GRM7: variants seen among roughly 807,000 people sequenced by gnomAD.
The protein encoded by GRM7 is metabotropic glutamate receptor 7.
GRM7 carries 35 observed loss-of-function variants against 84.5 expected under a neutral mutation model. The observed-to-expected ratio is 0.41, with a 90% confidence interval of 0.32 to 0.55. The LOEUF is 0.55. Ranked by LOEUF, GRM7 falls within the 20% of genes least tolerant of loss-of-function variation. The pLI is 0.19. For missense variants in GRM7, 1,003 were observed against 1,194.6 expected, an observed-to-expected ratio of 0.84 and a Z score of 2.36; for synonymous variants, 487 against 455.1, an observed-to-expected ratio of 1.07 and a Z score of -0.89.
chr3:7,315,900 G>T (rs560088648), intron 4 of GRM7, among the ~76,000 whole-genome samples: 2 of 152,188 alleles, frequency 1.3e-5, no homozygotes, highest in African/African-American at 4.8e-5. Flanking sequence ...CTGCCATTTT[G>T]CTAACATCAC....
intron 1 of GRM7, among the ~76,000 whole-genome samples, chr3:6,905,574 T>TCTCA (rs35248136): frequency 2.9e-5 from 1 of 33,936 alleles, no homozygotes; most frequent in African/African-American, 8.2e-4. Flanking sequence ...CCTTCCTCTT[T>TCTCA]CTCTCTCCCT....
Position 7,176,229 on chromosome 3 carries a change from T to TAAAAAAAA in GRM7, c.736+29587_736+29594dup, listed in dbSNP as rs55732650. Among the ~76,000 whole-genome samples the TAAAAAAAA allele has an allele frequency of 2.3e-3, 145 of 63,148 alleles. 1 individual carries two copies. Among genetic ancestry groups the TAAAAAAAA allele is most frequent in the East Asian group, 8.2e-3 (8 of 978 alleles). The allele number at this position is 63,148 out of a possible 152,430, so 41.4% of individuals were successfully genotyped here. A position where few individuals can be genotyped will look rare whatever the true frequency, so the allele number is the denominator to read the frequency against. ...AAGGAGACCTCATCTCTATAAAAAG[T>TAAAAAAAA]AAAAAAAAAAAAAAAAAAAAAAAAA... is the stretch of plus-strand genomic sequence containing the variant. On this transcript the variant is annotated intron_variant, in intron 2 of 9. Transcript: ENST00000357716.
At chr3:7,374,051 C>T (rs1694245099) in intron 4 of GRM7, among the ~76,000 whole-genome samples, 1 of 152,050 alleles carries the variant, frequency 6.6e-6, no homozygotes, top group African/African-American at 2.4e-5. Context: ...CCAACCTCTC[C>T]CATTATGATC....
intron 1 of GRM7, among the ~76,000 whole-genome samples, chr3:7,021,843 TATAAA>T (rs1264072809): frequency 3.3e-4 from 50 of 152,380 alleles, no homozygotes; most frequent in African/African-American, 1.1e-3. Context: ...GAGCAATTCA[TATAAA>T]ATAAGATTTA....
At chr3:7,282,208 T>C (rs1699276802) in intron 2 of GRM7, among the ~76,000 whole-genome samples, 1 of 152,222 alleles carries the variant, frequency 6.6e-6, no homozygotes, top group South Asian at 2.1e-4. Context: ...AAACAGCAGA[T>C]TCACTTACAA....
At chr3:7,043,083 G>A (rs1696688378) in intron 1 of GRM7, among the ~76,000 whole-genome samples, 1 of 152,158 alleles carries the variant, frequency 6.6e-6, no homozygotes, top group Non-Finnish European at 1.5e-5. Context: ...ACATTATGAG[G>A]TTTTCCACTT....
chr3:7,027,250 C>A (rs1407643993), intron 1 of GRM7, among the ~76,000 whole-genome samples: 1 of 152,064 alleles, frequency 6.6e-6, no homozygotes, highest in Non-Finnish European at 1.5e-5. Flanking sequence ...ACAGAATAAA[C>A]CTATCTCACA....
rs1694277660 is a variant in GRM7 at position 7,151,178 on chromosome 3, A to G, written c.736+4510A>G. Among the ~76,000 whole-genome samples the G allele has an allele frequency of 6.6e-6, 1 of 152,120 alleles. No homozygotes were observed. Among genetic ancestry groups the G allele is most frequent in the Admixed American group, 6.6e-5 (1 of 15,256 alleles). ...CATATTTTTTTCCTAAAATACTTAG[A>G]GGAAGATTTGATTAACTGTTATTAA... On this transcript the variant is annotated intron_variant, in intron 2 of 9. Transcript: ENST00000357716. The surrounding 1 kb of genome is among the most constrained non-coding windows in gnomAD (Gnocchi z 4.5).
intron 3 of GRM7, among the ~76,000 whole-genome samples, chr3:7,302,445 T>C (rs1248144252): frequency 6.6e-6 from 1 of 152,154 alleles, no homozygotes; most frequent in Non-Finnish European, 1.5e-5. Flanking sequence ...GAACATACTT[T>C]TGTGTTTGTA....
intron 8 of GRM7, among the ~76,000 whole-genome samples, chr3:7,653,547 C>A (rs1699052462): frequency 6.6e-6 from 1 of 152,154 alleles, no homozygotes. Context: ...AACCCCTGCC[C>A]CTCAAGTCTC....
chr3:7,697,290 T>C (rs559704508), intron 9 of GRM7, among the ~76,000 whole-genome samples: 24 of 152,298 alleles, frequency 1.6e-4, no homozygotes, highest in African/African-American at 5.8e-4. Context: ...TTTATAGTTT[T>C]GTTTTATTAT....
At chr3:7,109,465 C>G (rs761615608) in intron 1 of GRM7, among the ~76,000 whole-genome samples, 4 of 152,140 alleles carry the variant, frequency 2.6e-5, no homozygotes, top group Non-Finnish European at 4.4e-5. Flanking sequence ...TTAGTTAATT[C>G]TCACCATTTT....
At chr3:7,050,529 G>T (rs1367327472) in intron 1 of GRM7, among the ~76,000 whole-genome samples, 1 of 151,932 alleles carries the variant, frequency 6.6e-6, no homozygotes, top group East Asian at 1.9e-4. Flanking sequence ...ACAGTTTAAT[G>T]ATGTAATTGG....
At chr3:7,042,536 T>C (rs1352837937) in intron 1 of GRM7, among the ~76,000 whole-genome samples, 3 of 152,308 alleles carry the variant, frequency 2.0e-5, no homozygotes, top group Non-Finnish European at 2.9e-5. Flanking sequence ...TCTTTTTCTC[T>C]GTGTTTTCTT....
intron 1 of GRM7, among the ~76,000 whole-genome samples, chr3:6,920,790 G>A (rs571772149): frequency 6.6e-6 from 1 of 152,042 alleles, no homozygotes; most frequent in Non-Finnish European, 1.5e-5. Flanking sequence ...GCTGCTGATA[G>A]TTACCTGAGA....
intron 9 of GRM7, among the ~76,000 whole-genome samples, chr3:7,735,800 A>AT (rs373658820): frequency 6.6e-6 from 1 of 152,084 alleles, no homozygotes; most frequent in African/African-American, 2.4e-5. Flanking sequence ...CTGTAAGAGA[A>AT]TTTTTTCTTG....
chr3:7,182,962 A>T (rs1193352336), intron 2 of GRM7, among the ~76,000 whole-genome samples: 1 of 147,646 alleles, frequency 6.8e-6, no homozygotes, highest in Non-Finnish European at 1.5e-5. Context: ...TTTTGAGCAG[A>T]CTATACTCAT....
chr3:7,165,387 A>G (rs901769817), intron 2 of GRM7, among the ~76,000 whole-genome samples: 2 of 152,270 alleles, frequency 1.3e-5, no homozygotes, highest in Non-Finnish European at 2.9e-5. Flanking sequence ...AAACTATCAG[A>G]GTAATATAGA....
chr3:7,632,194 T>C (rs186258499), intron 8 of GRM7, among the ~76,000 whole-genome samples: 328 of 152,236 alleles, frequency 2.2e-3, no homozygotes, highest in Non-Finnish European at 3.8e-3. Flanking sequence ...GTGGATTTTA[T>C]CAGAAGTATC....
Sources: gnomAD v4.1 joint callset for allele counts (sites outside exome capture counted in the v4.1 genomes callset) on GRCh38, gnomAD v4.1.1 for gene constraint, Gnocchi (gnomAD v3.1) non-coding constraint, MANE v1.5 for transcripts, NCBI Gene and HGNC (gene_info 2026-07-23, HGNC 2026-07-21) for gene names.